CACNA2D3: variants seen among roughly 807,000 people sequenced by gnomAD.
CACNA2D3 encodes the protein calcium voltage-gated channel auxiliary subunit alpha2delta 3.
A neutral mutation model predicts 160.6 loss-of-function variants in CACNA2D3; 60 were observed. The ratio of observed to expected loss-of-function variants is 0.37; its 90% confidence interval spans 0.30 to 0.46. The LOEUF is 0.46. Ranked by LOEUF, CACNA2D3 falls within the 20% of genes least tolerant of loss-of-function variation. The pLI is 1.00. For synonymous variants in CACNA2D3, 558 were observed against 492.9 expected (o/e 1.13, Z -1.75); for missense variants, 1,205 against 1,365.0 (o/e 0.88, Z 1.85).
At chr3:54,691,080 C>T (rs1700561799) in intron 11 of CACNA2D3, among the ~76,000 whole-genome samples, 2 of 152,144 alleles carry the variant, frequency 1.3e-5, no homozygotes, top group South Asian at 2.1e-4. Context: ...AAGATGTTAG[C>T]TGTCTACTCT....
At chr3:54,834,903 T>C (rs1449347090) in intron 14 of CACNA2D3, among the ~76,000 whole-genome samples, 1 of 152,136 alleles carries the variant, frequency 6.6e-6, no homozygotes, top group Non-Finnish European at 1.5e-5. Context: ...ATTCCTTCTT[T>C]TGAGGGGGGC....
chr3:54,313,628 A>G (rs1426425478), intron 2 of CACNA2D3, among the ~76,000 whole-genome samples: 3 of 151,914 alleles, frequency 2.0e-5, no homozygotes, highest in Non-Finnish European at 2.9e-5. Flanking sequence ...GTGGCCATCC[A>G]TGCTCCAGTG....
intron 2 of CACNA2D3, among the ~76,000 whole-genome samples, chr3:54,277,406 T>C (rs1471538461): frequency 6.6e-6 from 1 of 152,204 alleles, no homozygotes; most frequent in African/African-American, 2.4e-5. Flanking sequence ...ATTGCTTGTT[T>C]TTGTCAGGTT....
chr3:54,737,715 A>T (rs753719479), intron 11 of CACNA2D3, among the ~76,000 whole-genome samples: 7 of 152,114 alleles, frequency 4.6e-5, no homozygotes, highest in Non-Finnish European at 7.4e-5. Context: ...CCCAGGGTGG[A>T]GTGCAGTGGC....
chr3:54,847,937 A>G (rs1698970900), intron 17 of CACNA2D3, among the ~76,000 whole-genome samples: 3 of 152,214 alleles, frequency 2.0e-5, no homozygotes, highest in Non-Finnish European at 2.9e-5. Context: ...CCATGAAACA[A>G]TCAAACCCAA....
intron 2 of CACNA2D3, among the ~76,000 whole-genome samples, chr3:54,299,541 T>G (rs534518780): frequency 7.2e-5 from 11 of 152,322 alleles, no homozygotes; most frequent in South Asian, 2.1e-4. Context: ...ATGAATGGAT[T>G]AAAGGAAGCG....
At chr3:54,883,686 C>A (rs910459470) in intron 21 of CACNA2D3, among the ~76,000 whole-genome samples, 2 of 152,102 alleles carry the variant, frequency 1.3e-5, no homozygotes, top group Non-Finnish European at 2.9e-5. Flanking sequence ...GGCCTTTGCA[C>A]TTGTTATTCC....
At chr3:54,879,865 C>G (rs1699750480) in intron 20 of CACNA2D3, among the ~76,000 whole-genome samples, 1 of 152,214 alleles carries the variant, frequency 6.6e-6, no homozygotes, top group Admixed American at 6.5e-5. Context: ...TGCTTGTCTA[C>G]TTTTGAATCC....
intron 29 of CACNA2D3, among the ~76,000 whole-genome samples, chr3:54,980,352 C>A (rs57579658): frequency 6.6e-6 from 1 of 152,142 alleles, no homozygotes; most frequent in Non-Finnish European, 1.5e-5. Context: ...ACCTCTTTAA[C>A]TTTAGTCAAT....
At chr3:54,155,407 G>A (rs1700228897) in intron 2 of CACNA2D3, among the ~76,000 whole-genome samples, 1 of 152,114 alleles carries the variant, frequency 6.6e-6, no homozygotes, top group African/African-American at 2.4e-5. Flanking sequence ...GGGAGGAGAG[G>A]GTGAGGATGC....
At chr3:54,461,097 G>T (rs1700495644) in intron 4 of CACNA2D3, among the ~76,000 whole-genome samples, 1 of 152,024 alleles carries the variant, frequency 6.6e-6, no homozygotes, top group African/African-American at 2.4e-5. Context: ...TGCGTATATT[G>T]AACCAGCCTT....
chr3:54,822,832 T>TCTC (rs1270493213), intron 14 of CACNA2D3, among the ~76,000 whole-genome samples: 2 of 57,982 alleles, frequency 3.4e-5, no homozygotes, highest in Non-Finnish European at 6.4e-5. Context: ...TCTTTCTTTC[T>TCTC]TTTCTTTCTT....
chr3:54,548,166 A>G (rs922362630), intron 5 of CACNA2D3, among the ~76,000 whole-genome samples: 11 of 152,322 alleles, frequency 7.2e-5, no homozygotes, highest in South Asian at 6.2e-4. Flanking sequence ...CAGTCCCAGC[A>G]GGTCATGGGC....
intron 2 of CACNA2D3, among the ~76,000 whole-genome samples, chr3:54,251,785 G>A (rs375128351): frequency 6.6e-6 from 1 of 152,174 alleles, no homozygotes; most frequent in Admixed American, 6.5e-5. Context: ...ATGGAGCAGC[G>A]TTAGTAATAA....
At chr3:54,417,261 A>C (rs745389617) in intron 4 of CACNA2D3, among the ~76,000 whole-genome samples, 19 of 152,266 alleles carry the variant, frequency 1.2e-4, no homozygotes, top group Non-Finnish European at 1.3e-4. Context: ...ACAACAGCAC[A>C]AACAATTGGG....
At chr3:55,058,092 G>A (rs1704410331) in intron 35 of CACNA2D3, among the ~76,000 whole-genome samples, 1 of 152,110 alleles carries the variant, frequency 6.6e-6, no homozygotes, top group Admixed American at 6.5e-5. Flanking sequence ...CCTGGCTATA[G>A]GTCTCTACCA....
At chr3:54,441,682 C>A (rs1700147251) in intron 4 of CACNA2D3, among the ~76,000 whole-genome samples, 1 of 152,094 alleles carries the variant, frequency 6.6e-6, no homozygotes, top group East Asian at 1.9e-4. Context: ...GTGTATAATT[C>A]ATTGCACTCA....
chr3:54,967,581 C>T (rs1391217341), intron 27 of CACNA2D3, among the ~76,000 whole-genome samples: 1 of 152,136 alleles, frequency 6.6e-6, no homozygotes, highest in Non-Finnish European at 1.5e-5. Context: ...AAATGACGTG[C>T]TCCAGGGAAT....
At chr3:54,687,276 G>A (rs1014062892) in intron 11 of CACNA2D3, among the ~76,000 whole-genome samples, 2 of 150,420 alleles carry the variant, frequency 1.3e-5, no homozygotes, top group Non-Finnish European at 1.5e-5. Context: ...GAGTAGCTGG[G>A]ATTACAGGCA....
Sources: allele counts gnomAD v4.1 joint callset (sites outside exome capture counted in the v4.1 genomes callset), GRCh38; gene constraint gnomAD v4.1.1; transcripts MANE v1.5; gene names NCBI Gene and HGNC (gene_info 2026-07-23, HGNC 2026-07-21).